The following PPARGC1A variants were observed in gnomAD, a reference collection of about 807,000 sequenced individuals.
PPARGC1A encodes the protein PPARG coactivator 1 alpha.
Under a neutral mutation model 88.7 loss-of-function variants are expected in PPARGC1A, and 25 were observed. That is an observed-to-expected ratio of 0.28 (90% CI 0.21 to 0.39). The LOEUF is 0.39. PPARGC1A is among the 10% of genes least tolerant of loss of function. PPARGC1A has a pLI of 1.00. For missense variants in PPARGC1A, 880 were observed against 968.7 expected, an observed-to-expected ratio of 0.91 and a Z score of 1.22; for synonymous variants, 363 against 355.6, an observed-to-expected ratio of 1.02 and a Z score of -0.24.
the PPARGC1A span, among the ~76,000 whole-genome samples, chr4:24,411,611 A>G: frequency 7.2e-5 from 11 of 152,306 alleles, no homozygotes; most frequent in African/African-American, 2.6e-4. Flanking sequence ...ACATGCAACC[A>G]CCACTGTAGT....
the PPARGC1A span, among the ~76,000 whole-genome samples, chr4:24,040,008 C>T: frequency 6.6e-6 from 1 of 152,182 alleles, no homozygotes; most frequent in Admixed American, 6.5e-5. Flanking sequence ...TCCACAATAG[C>T]CAGGATATCT....
At chr4:24,070,610 T>C in the PPARGC1A span, among the ~76,000 whole-genome samples, 2 of 152,170 alleles carry the variant, frequency 1.3e-5, no homozygotes, top group Admixed American at 6.6e-5. Flanking sequence ...CATCTCTAGA[T>C]GAATTCTAGA....
chr4:24,449,084 G>T, the PPARGC1A span, among the ~76,000 whole-genome samples: 1 of 152,170 alleles, frequency 6.6e-6, no homozygotes, highest in Non-Finnish European at 1.5e-5. Context: ...GACGTCAGCT[G>T]GTCTGCAGGA....
the PPARGC1A span, among the ~76,000 whole-genome samples, chr4:23,985,424 C>T: frequency 2.0e-5 from 3 of 151,266 alleles, no homozygotes; most frequent in South Asian, 2.1e-4. Context: ...GGCTTTGATG[C>T]ATAAGGAAGT....
At chr4:24,428,859 T>C in the PPARGC1A span, among the ~76,000 whole-genome samples, 3 of 152,216 alleles carry the variant, frequency 2.0e-5, no homozygotes, top group Admixed American at 2.0e-4. Flanking sequence ...AAATGTCTTA[T>C]TTTAAAAGCC....
chr4:23,932,402 C>T, the PPARGC1A span, among the ~76,000 whole-genome samples: 5 of 152,140 alleles, frequency 3.3e-5, no homozygotes, highest in Non-Finnish European at 5.9e-5. Context: ...TCTCCAGTGG[C>T]TTTTCCCAGA....
chr4:24,387,858 A>G, the PPARGC1A span, among the ~76,000 whole-genome samples: 9 of 132,030 alleles, frequency 6.8e-5, no homozygotes, highest in South Asian at 5.4e-4. Flanking sequence ...GAAAGAGAGA[A>G]AGAGAGAAAG....
the PPARGC1A span, among the ~76,000 whole-genome samples, chr4:23,966,434 A>G: frequency 1.3e-5 from 2 of 152,234 alleles, no homozygotes; most frequent in African/African-American, 2.4e-5. Flanking sequence ...AATGTAAATA[A>G]CCACATAGAG....
the PPARGC1A span, among the ~76,000 whole-genome samples, chr4:24,387,762 G>GAAACAAAGAAAGAA: frequency 2.7e-5 from 2 of 73,042 alleles, no homozygotes; most frequent in East Asian, 8.8e-4. Flanking sequence ...GAGAGAGAGA[G>GAAACAAAGAAAGAA]AGAGAGAAAG....
chr4:24,195,895 T>C, the PPARGC1A span, among the ~76,000 whole-genome samples: 1 of 152,324 alleles, frequency 6.6e-6, no homozygotes, highest in African/African-American at 2.4e-5. Flanking sequence ...CACCAAACTG[T>C]AGCTTGTACC....
chr4:24,331,767 T>TTTTATA, the PPARGC1A span, among the ~76,000 whole-genome samples: 1 of 143,616 alleles, frequency 7.0e-6, no homozygotes. Context: ...TGTGTTTATT[T>TTTTATA]TATATATATA....
chr4:24,174,575 T>C, the PPARGC1A span, among the ~76,000 whole-genome samples: 2 of 152,218 alleles, frequency 1.3e-5, no homozygotes, highest in African/African-American at 2.4e-5. Context: ...TCCATCCCTC[T>C]TAATCCTTCC....
chr4:24,300,279 G>GT, the PPARGC1A span, among the ~76,000 whole-genome samples: 135 of 110,810 alleles, frequency 1.2e-3, no homozygotes, highest in Middle Eastern at 0.028. Flanking sequence ...GCTTTTATGG[G>GT]TTTTTTTTCC....
the PPARGC1A span, among the ~76,000 whole-genome samples, chr4:24,222,027 G>A: frequency 1.3e-5 from 2 of 152,126 alleles, no homozygotes; most frequent in Non-Finnish European, 2.9e-5. Context: ...TAACACACTG[G>A]GGGGAAGGTA....
At chr4:23,960,122 T>C in the PPARGC1A span, among the ~76,000 whole-genome samples, 9 of 152,272 alleles carry the variant, frequency 5.9e-5, no homozygotes, top group African/African-American at 9.6e-5. Flanking sequence ...TGAAATCCCC[T>C]GATAAGGTGG....
chr4:23,930,270 C>G, the PPARGC1A span, among the ~76,000 whole-genome samples: 12 of 152,284 alleles, frequency 7.9e-5, no homozygotes, highest in East Asian at 3.9e-4. Flanking sequence ...TTTGGTGTAA[C>G]AGCCCTCACA....
chr4:24,277,906 G>C, the PPARGC1A span, among the ~76,000 whole-genome samples: 1 of 152,124 alleles, frequency 6.6e-6, no homozygotes, highest in African/African-American at 2.4e-5. Context: ...TGGGTGTGGT[G>C]GCTCATACCC....
the PPARGC1A span, among the ~76,000 whole-genome samples, chr4:24,407,198 T>C: frequency 6.6e-6 from 1 of 152,210 alleles, no homozygotes; most frequent in Non-Finnish European, 1.5e-5. Context: ...ACTGCAGGGT[T>C]AATTTAAAAG....
chr4:24,010,476 G>C, the PPARGC1A span, among the ~76,000 whole-genome samples: 2 of 151,796 alleles, frequency 1.3e-5, no homozygotes, highest in Non-Finnish European at 2.9e-5. Flanking sequence ...ATTAAATGCC[G>C]ACCATATTCC....
Sources: gnomAD v4.1 joint callset for allele counts (sites outside exome capture counted in the v4.1 genomes callset) on GRCh38, gnomAD v4.1.1 for gene constraint, MANE v1.5 for transcripts, NCBI Gene and HGNC (gene_info 2026-07-23, HGNC 2026-07-21) for gene names.